CTNNA3: variants seen among roughly 807,000 people sequenced by gnomAD.
CTNNA3 encodes catenin alpha 3, also known as catenin alpha-3.
Under a neutral mutation model 95.7 loss-of-function variants are expected in CTNNA3, and 76 were observed. The observed-to-expected ratio is 0.79, with a 90% CI of 0.66 to 0.96. The LOEUF (loss-of-function observed/expected upper bound fraction) is 0.96. Among genes scored for constraint, CTNNA3 ranks in the 40% least tolerant of loss-of-function variants. The pLI is 0.00. For synonymous variants in CTNNA3, 431 were observed against 374.4 expected (o/e 1.15, Z -1.74); for missense variants, 1,191 against 1,089.8 (o/e 1.09, Z -1.31).
intron 10 of CTNNA3, among the ~76,000 whole-genome samples, chr10:66,581,693 G>A (rs1416883961): frequency 6.6e-6 from 1 of 151,414 alleles, no homozygotes; most frequent in Non-Finnish European, 1.5e-5. Flanking sequence ...TTGCTTTTAG[G>A]GGTCTTAGTT....
Position 65,962,145 on chromosome 10 carries a change from A to T in CTNNA3, c.2400+4467T>A, listed in dbSNP as rs189079896. Among the ~76,000 whole-genome samples the T allele has an allele frequency of 3.9e-3, 598 of 152,198 alleles. 3 individuals carry two copies. Among genetic ancestry groups the T allele is most frequent in the African/African-American group, 0.013 (558 of 41,534 alleles). ...CTGGATCACTGTCTCAGCTATTTTT[A>T]AAAAAATGGCATCCAACATATTTTC... On this transcript the variant is annotated intron_variant, in intron 17 of 17. Transcript: ENST00000433211.
chr10:67,602,412 A>G (rs1404787842), intron 3 of CTNNA3, among the ~76,000 whole-genome samples: 1 of 152,208 alleles, frequency 6.6e-6, no homozygotes, highest in Non-Finnish European at 1.5e-5. Context: ...GTGCCATTGC[A>G]TTGCTTTCCT....
chr10:66,054,916 G>T (rs1354288247), intron 15 of CTNNA3, among the ~76,000 whole-genome samples: 1 of 152,096 alleles, frequency 6.6e-6, no homozygotes, highest in African/African-American at 2.4e-5. Flanking sequence ...AGAGATAGAG[G>T]TCTAGTTTCA....
chr10:66,436,501 CTTTTTTT>C (rs34165061), intron 11 of CTNNA3, among the ~76,000 whole-genome samples: 58 of 60,404 alleles, frequency 9.6e-4, no homozygotes, highest in African/African-American at 3.3e-3. Flanking sequence ...ACAATCCCTG[CTTTTTTT>C]TTTTTTTTTT....
At chr10:66,348,607 G>T (rs2092543087) in intron 12 of CTNNA3, among the ~76,000 whole-genome samples, 2 of 152,200 alleles carry the variant, frequency 1.3e-5, no homozygotes. Context: ...GTTTCAAGTT[G>T]AGAAAGAATC....
At chr10:66,204,780 T>C (rs888384150) in intron 13 of CTNNA3, among the ~76,000 whole-genome samples, 4 of 152,198 alleles carry the variant, frequency 2.6e-5, no homozygotes, top group African/African-American at 9.6e-5. Context: ...GAACTACAGC[T>C]TATTCCTGCT....
intron 9 of CTNNA3, among the ~76,000 whole-genome samples, chr10:66,729,419 T>G (rs1339318521): frequency 6.6e-6 from 1 of 152,208 alleles, no homozygotes; most frequent in African/African-American, 2.4e-5. Context: ...GAGGCAGAAA[T>G]GCCATTTGAC....
chr10:67,628,868 T>C (rs1333419441), intron 2 of CTNNA3, among the ~76,000 whole-genome samples: 2 of 152,140 alleles, frequency 1.3e-5, no homozygotes, highest in Non-Finnish European at 2.9e-5. Context: ...ATGCTTTTTT[T>C]TTCTTGAAAG....
At chr10:67,390,728 C>A (rs1294705707) in intron 5 of CTNNA3, among the ~76,000 whole-genome samples, 1 of 149,862 alleles carries the variant, frequency 6.7e-6, no homozygotes, top group African/African-American at 2.5e-5. Flanking sequence ...GGCTTCATCC[C>A]TGGGATGCAA....
chr10:67,742,537 CAAGAGA>C (rs1382710905), intron 1 of CTNNA3, among the ~76,000 whole-genome samples: 1 of 150,878 alleles, frequency 6.6e-6, no homozygotes, highest in Non-Finnish European at 1.5e-5. Flanking sequence ...TAAATGCCCA[CAAGAGA>C]AAGCAGGAAA....
At chr10:66,153,666 C>T (rs1243177298) in intron 13 of CTNNA3, among the ~76,000 whole-genome samples, 1 of 151,866 alleles carries the variant, frequency 6.6e-6, no homozygotes, top group African/African-American at 2.4e-5. Context: ...GCAGTTATCC[C>T]AGGCTCATTC....
At chr10:67,150,223 G>A (rs1326046888) in intron 7 of CTNNA3, among the ~76,000 whole-genome samples, 3 of 152,100 alleles carry the variant, frequency 2.0e-5, no homozygotes, top group Non-Finnish European at 4.4e-5. Flanking sequence ...ATGCTTAAAT[G>A]TGTATTTGGA....
intron 9 of CTNNA3, among the ~76,000 whole-genome samples, chr10:66,669,783 G>A (rs1272828251): frequency 6.6e-6 from 1 of 152,022 alleles, no homozygotes; most frequent in Non-Finnish European, 1.5e-5. Flanking sequence ...AGGAGGTAAA[G>A]AGAGGATTCA....
At chr10:66,993,120 C>A (rs1851131317) in intron 7 of CTNNA3, among the ~76,000 whole-genome samples, 1 of 152,108 alleles carries the variant, frequency 6.6e-6, no homozygotes, top group South Asian at 2.1e-4. Flanking sequence ...TAGCCTCATT[C>A]GCATGGTTGA....
At chr10:67,590,022 T>A (rs1842746046) in intron 3 of CTNNA3, among the ~76,000 whole-genome samples, 1 of 152,122 alleles carries the variant, frequency 6.6e-6, no homozygotes, top group African/African-American at 2.4e-5. Context: ...TAATAATAGA[T>A]CATGTATCAC....
intron 15 of CTNNA3, among the ~76,000 whole-genome samples, chr10:66,045,987 C>T (rs1406557154): frequency 6.6e-6 from 1 of 152,128 alleles, no homozygotes; most frequent in Admixed American, 6.5e-5. Flanking sequence ...CGACTAGATG[C>T]AGCTGGTGTG....
chr10:66,331,338 G>GCTTGCTTTTT (rs1417713676), intron 12 of CTNNA3, among the ~76,000 whole-genome samples: 510 of 39,062 alleles, frequency 0.013, 84 homozygotes, highest in East Asian at 0.027. Context: ...TTTCCCCATT[G>GCTTGCTTTTT]TTTGTTTTTT....
chr10:66,807,040 A>G (rs1007801643), intron 7 of CTNNA3, among the ~76,000 whole-genome samples: 83 of 152,142 alleles, frequency 5.5e-4, no homozygotes, highest in African/African-American at 1.9e-3. Context: ...GTAGGCAGAA[A>G]GGGCAAAAAG....
At chr10:66,891,041 T>G (rs1014777317) in intron 7 of CTNNA3, among the ~76,000 whole-genome samples, 4 of 152,112 alleles carry the variant, frequency 2.6e-5, no homozygotes, top group African/African-American at 9.7e-5. Context: ...CCCTCCCATC[T>G]TTTCCTCATG....
Sources: allele counts gnomAD v4.1 joint callset (sites outside exome capture counted in the v4.1 genomes callset), GRCh38; gene constraint gnomAD v4.1.1; transcripts MANE v1.5; gene names NCBI Gene and HGNC (gene_info 2026-07-23, HGNC 2026-07-21).